Variants in PABPC4L observed in about 807,000 individuals in gnomAD.
PABPC4L encodes poly(A) binding protein cytoplasmic 4 like, also known as polyadenylate-binding protein 4-like.
For missense variants in PABPC4L, 452 were observed against 451.4 expected, an observed-to-expected ratio of 1.00 and a Z score of -0.01; for synonymous variants, 169 against 164.1, an observed-to-expected ratio of 1.03 and a Z score of -0.23.
chr4:134,082,578 A>G, the PABPC4L span, among the ~76,000 whole-genome samples: 5 of 152,112 alleles, frequency 3.3e-5, no homozygotes, highest in African/African-American at 7.2e-5. Flanking sequence ...AAAAAAGTTT[A>G]TTATAGAAAA....
the PABPC4L span, among the ~76,000 whole-genome samples, chr4:134,154,561 T>C: frequency 1.3e-5 from 2 of 152,170 alleles, no homozygotes; most frequent in African/African-American, 4.8e-5. Context: ...TTGATTCCTC[T>C]ATAAACATTG....
the PABPC4L span, among the ~76,000 whole-genome samples, chr4:134,044,896 A>G: frequency 6.6e-6 from 1 of 152,162 alleles, no homozygotes; most frequent in Admixed American, 6.5e-5. Flanking sequence ...TTTAACCTAA[A>G]GAACTAAAGC....
the PABPC4L span, among the ~76,000 whole-genome samples, chr4:134,091,175 T>A: frequency 1.3e-5 from 2 of 152,054 alleles, no homozygotes; most frequent in African/African-American, 4.8e-5. Context: ...AACTTACTTT[T>A]GTGTCTTTCA....
the PABPC4L span, among the ~76,000 whole-genome samples, chr4:134,116,124 A>G: frequency 6.6e-6 from 1 of 151,840 alleles, no homozygotes; most frequent in Non-Finnish European, 1.5e-5. Context: ...ATTAATAGGC[A>G]GAAGCTGCAT....
the PABPC4L span, among the ~76,000 whole-genome samples, chr4:134,080,436 G>T: frequency 6.6e-6 from 1 of 152,150 alleles, no homozygotes; most frequent in Non-Finnish European, 1.5e-5. Context: ...GAGTTGGAAT[G>T]TCTGAGTTGT....
chr4:134,117,545 C>T, the PABPC4L span, among the ~76,000 whole-genome samples: 6 of 151,766 alleles, frequency 4.0e-5, no homozygotes, highest in East Asian at 9.7e-4. Flanking sequence ...ATTTCCTGAC[C>T]ATAGAAACCG....
chr4:134,079,646 A>C, the PABPC4L span, among the ~76,000 whole-genome samples: 3 of 148,000 alleles, frequency 2.0e-5, no homozygotes, highest in African/African-American at 7.4e-5. Context: ...TAAGAATACA[A>C]GGATGTGTGT....
At chr4:134,187,879 G>A in the PABPC4L span, among the ~76,000 whole-genome samples, 1 of 151,866 alleles carries the variant, frequency 6.6e-6, no homozygotes, top group Non-Finnish European at 1.5e-5. Flanking sequence ...TCTGATTTCT[G>A]TCATTTAATT....
chr4:134,050,483 T>A, the PABPC4L span, among the ~76,000 whole-genome samples: 3 of 151,964 alleles, frequency 2.0e-5, no homozygotes, highest in East Asian at 5.8e-4. Flanking sequence ...GGTGGGTGGA[T>A]CACCTGAGGT....
At chr4:134,005,731 A>G in the PABPC4L span, among the ~76,000 whole-genome samples, 1 of 151,766 alleles carries the variant, frequency 6.6e-6, no homozygotes, top group Non-Finnish European at 1.5e-5. Context: ...GGAAAATCAA[A>G]TATTTTAAAA....
chr4:134,065,151 G>T, the PABPC4L span, among the ~76,000 whole-genome samples: 1 of 152,004 alleles, frequency 6.6e-6, no homozygotes, highest in African/African-American at 2.4e-5. Context: ...TCTGTTTTAA[G>T]TTCTTCGAGA....
the PABPC4L span, among the ~76,000 whole-genome samples, chr4:134,115,775 A>T: frequency 6.6e-6 from 1 of 151,800 alleles, no homozygotes; most frequent in South Asian, 2.1e-4. Flanking sequence ...TGCTACCAAG[A>T]TATGTTTTAA....
At chr4:134,033,801 G>A in the PABPC4L span, among the ~76,000 whole-genome samples, 1 of 151,738 alleles carries the variant, frequency 6.6e-6, no homozygotes, top group African/African-American at 2.4e-5. Flanking sequence ...TGAGATTCAA[G>A]GAATGAAGGA....
chr4:134,070,223 C>CTGTG, the PABPC4L span, among the ~76,000 whole-genome samples: 1 of 151,946 alleles, frequency 6.6e-6, no homozygotes, highest in Admixed American at 6.6e-5. Flanking sequence ...TACCACTGAC[C>CTGTG]ACAGCACTCT....
the PABPC4L span, among the ~76,000 whole-genome samples, chr4:134,178,226 C>G: frequency 6.6e-6 from 1 of 151,980 alleles, no homozygotes; most frequent in Non-Finnish European, 1.5e-5. Flanking sequence ...AAGCAGAACA[C>G]CCCACATAAG....
the PABPC4L span, among the ~76,000 whole-genome samples, chr4:134,050,296 C>A: frequency 6.6e-6 from 1 of 152,002 alleles, no homozygotes. Flanking sequence ...TACCACAAGC[C>A]CCATCTGAAA....
chr4:134,140,004 A>G, the PABPC4L span, among the ~76,000 whole-genome samples: 1 of 151,896 alleles, frequency 6.6e-6, no homozygotes, highest in Non-Finnish European at 1.5e-5. Flanking sequence ...TTGGTTCATA[A>G]GGGAGTTTAA....
the PABPC4L span, among the ~76,000 whole-genome samples, chr4:134,060,024 A>G: frequency 4.8e-3 from 730 of 152,186 alleles, 8 homozygotes; most frequent in African/African-American, 0.017. Flanking sequence ...GAGAATCTGT[A>G]TGCTTGGAGG....
the PABPC4L span, among the ~76,000 whole-genome samples, chr4:134,016,230 C>T: frequency 1.3e-5 from 2 of 152,142 alleles, no homozygotes; most frequent in Non-Finnish European, 2.9e-5. Flanking sequence ...GCAAGCTGAA[C>T]TCATTGCCTT....
Sources: allele counts gnomAD v4.1 joint callset (sites outside exome capture counted in the v4.1 genomes callset), GRCh38; gene constraint gnomAD v4.1.1; transcripts MANE v1.5; gene names NCBI Gene and HGNC (gene_info 2026-07-23, HGNC 2026-07-21).